The following KIF1A variants were observed in gnomAD, a reference collection of about 807,000 sequenced individuals.
The protein encoded by KIF1A is kinesin family member 1A.
In KIF1A, 46 loss-of-function variants were observed where a neutral mutation model predicts 227.3. The ratio of observed to expected loss-of-function variants is 0.20; its 90% CI spans 0.16 to 0.26. KIF1A has a LOEUF of 0.26. Among genes scored for constraint, KIF1A ranks in the 10% least tolerant of loss-of-function variants. The pLI is 1.00. For synonymous variants in KIF1A, 1,022 were observed against 1,012.8 expected (o/e 1.01, Z -0.17); for missense variants, 1,683 against 2,485.9 (o/e 0.68, Z 6.87).
rs2055277080 is a variant in KIF1A at position 240,788,861 on chromosome 2, CG to C, written c.183+374del. Among the ~76,000 whole-genome samples, 1 of 152,026 alleles carries C rather than the reference CG, an allele frequency of 6.6e-6. No homozygotes were observed. The highest frequency in any genetic ancestry group is 2.4e-5 in the African/African-American group (1 of 41,380). ...AGACAGGGCTCAGTGTGGACTGGATCGGGGAGGAGGGAAGGAGAAGAGTCCA... is the reference window on the plus strand; with the variant it reads ...AGACAGGGCTCAGTGTGGACTGGATCGGGAGGAGGGAAGGAGAAGAGTCCA... On this transcript the variant is annotated intron_variant, in intron 3 of 48. Transcript: ENST00000498729. This position sits in a 1 kb window ranked among gnomAD's most constrained non-coding sequence, Gnocchi z 6.6.
In KIF1A at chr2:240,747,278, C is replaced by T. The variant is rs769618125; in HGVS notation, c.3021G>A (p.Ser1007=). 43 of 1,613,320 alleles carry T rather than the reference C, an allele frequency of 2.7e-5. No individual in the cohort carries two copies. In the South Asian group the frequency reaches 2.9e-4, roughly 11 times the overall value. ...APDYGSGVRQ[S]GTAKISFDDQ... ...CATCAAAGGAGATTTTAGCAGTTCC[C>T]GACTGGCGGACGCCAGAGCCATAAT... The change falls in exon 29 of 49, where the codon TCG becomes TCA. Residue 1007 remains serine (S), a synonymous_variant. Coordinates refer to ENST00000498729, the MANE Select transcript of KIF1A (RefSeq NM_001244008.2).
chr2:240,765,275 A>AC (rs2051029945), intron 20 of KIF1A, among the ~76,000 whole-genome samples: 2 of 151,928 alleles, frequency 1.3e-5, no homozygotes, highest in Non-Finnish European at 2.9e-5. Context: ...GCCCAACCCC[A>AC]CCCGGGGTGC....
At chr2:240,781,286 T>C (rs865877645) in intron 10 of KIF1A, among the ~76,000 whole-genome samples, 1 of 1,524 alleles carries the variant, frequency 6.6e-4, no homozygotes, top group Non-Finnish European at 9.2e-4. Context: ...CACACACAGC[T>C]ACACACACAC....
chr2:240,757,640 C>G lies in KIF1A; in HGVS notation c.2583-46G>C. ...CAGAGAGAAGTTAACACCAGCGACT[C>G]GCAGGGACGAACAGGGGCCGGGGCC... On this transcript the variant is annotated intron_variant, in intron 26 of 48. Transcript: ENST00000498729. This position sits in a 1 kb window ranked among gnomAD's most constrained non-coding sequence, Gnocchi z 6.2. The G allele has an allele frequency of 6.5e-7, 1 of 1,538,820 alleles. No homozygotes were observed. Among genetic ancestry groups the G allele is most frequent in the South Asian group, 1.2e-5 (1 of 82,162 alleles).
intron 5 of KIF1A, 43 bp from the exon 6 acceptor site, chr2:240,786,556 G>A (rs1199477314): frequency 3.1e-6 from 5 of 1,594,994 alleles, no homozygotes; most frequent in Non-Finnish European, 8.6e-7. Flanking sequence ...TGAGGCGAGG[G>A]AGTGGGGCTG....
chr2:240,804,313 G>T lies in KIF1A; in HGVS notation c.-60-6501C>A, dbSNP rs201213013. 6.0e-3 allele frequency among the ~76,000 whole-genome samples: 919 copies of T among 152,290 alleles called. 15 individuals carry two copies. Among genetic ancestry groups the T allele is most frequent in the African/African-American group, 0.021 (861 of 41,566 alleles). ...TAATATTTCCCAACAGAGAGCAAAAGGGCTGAATGGAAGCTTCTACTTCTG... is the reference window on the plus strand; with the variant it reads ...TAATATTTCCCAACAGAGAGCAAAATGGCTGAATGGAAGCTTCTACTTCTG... On this transcript the variant is annotated intron_variant, in intron 1 of 48. Coordinates refer to ENST00000498729, the MANE Select transcript of KIF1A (RefSeq NM_001244008.2).
chr2:240,817,707 T>C (rs1438383549), intron 1 of KIF1A, among the ~76,000 whole-genome samples: 2 of 152,206 alleles, frequency 1.3e-5, no homozygotes, highest in African/African-American at 4.8e-5. Context: ...CCAGTTCACC[T>C]GCTTTGGCCG....
In KIF1A at chr2:240,789,170, AC is replaced by A; in HGVS notation, c.183+65del. ...ATGAGCGGCTCAGAGAAGTTGAGGG[AC>A]CCCGAGGGCCACATGGCCTATGCAC... On this transcript the variant is annotated intron_variant, in intron 3 of 48. Coordinates refer to ENST00000498729, the MANE Select transcript of KIF1A (RefSeq NM_001244008.2). The surrounding 1 kb of genome is among the most constrained non-coding windows in gnomAD (Gnocchi z 4.8). The A allele has an allele frequency of 1.5e-6, 2 of 1,304,804 alleles. No homozygotes were observed. The highest frequency in any genetic ancestry group is 2.2e-6 in the Non-Finnish European group (2 of 902,056). 80.8% of individuals were successfully genotyped at this position (1,304,804 alleles called of 1,614,324 possible).
intron 37 of KIF1A, among the ~76,000 whole-genome samples, chr2:240,738,736 A>C (rs1473857555): frequency 6.6e-6 from 1 of 152,232 alleles, no homozygotes; most frequent in African/African-American, 2.4e-5. Flanking sequence ...CCTTTTTAGA[A>C]AGAAGGTGGG....
At chr2:240,807,082 G>A (rs62187837) in intron 1 of KIF1A, among the ~76,000 whole-genome samples, 61,865 of 108,336 alleles carry the variant, frequency 0.57, 14,860 homozygotes, top group African/African-American at 0.71. Flanking sequence ...ATATATATGT[G>A]TGTGTGTGTG....
intron 6 of KIF1A, 57 bp from the exon 7 acceptor site, chr2:240,785,157 C>T (rs934059425): frequency 7.1e-6 from 10 of 1,410,894 alleles, no homozygotes; most frequent in South Asian, 1.2e-5. Context: ...GGTGCGAGAT[C>T]GCCGGTGGTG....
intron 1 of KIF1A, among the ~76,000 whole-genome samples, chr2:240,809,718 G>A (rs1426048573): frequency 2.0e-5 from 3 of 148,684 alleles, no homozygotes; most frequent in Non-Finnish European, 4.4e-5. Context: ...GCCCAGGCTG[G>A]AGTGCGGTGG....
intron 19 of KIF1A, 52 bp from the exon 20 acceptor site, chr2:240,765,845 T>A (rs1337755481): frequency 1.4e-6 from 2 of 1,392,582 alleles, no homozygotes; most frequent in African/African-American, 1.4e-5. Context: ...GGCTGTCACC[T>A]ACAGCAGCTC....
chr2:240,769,806 C>T (rs1219458101), intron 15 of KIF1A, 100 bp from the exon 16 acceptor site: 12 of 926,292 alleles, frequency 1.3e-5, no homozygotes, highest in East Asian at 5.2e-5. Context: ...AAAGCACAAG[C>T]GCCATATTCC....
Position 240,783,027 on chromosome 2 carries a change from C to T in KIF1A, c.864+17G>A, listed in dbSNP as rs754302455. The T allele has an allele frequency of 3.2e-5, 51 of 1,606,680 alleles. 1 individual carries two copies. The African/African-American group carries it at 4.7e-4, about 15-fold the overall frequency. ...CCTCTGGGGTTCTGGCTATGGAAGC[C>T]GGGCCGGGCCACTCACCATTTCAGC... On this transcript the variant is annotated intron_variant, in intron 9 of 48. Transcript: ENST00000498729.
In KIF1A at chr2:240,725,714, A is replaced by G. The variant is rs1026322604; in HGVS notation, c.4123-310T>C. On this transcript the variant is annotated intron_variant, in intron 39 of 48. Transcript: ENST00000498729. This position sits in a 1 kb window ranked among gnomAD's most constrained non-coding sequence, Gnocchi z 5.8. Reference sequence around the variant, plus strand: ...CGGGCCTCAGCTGCCTCACCATAAAATTGGGGTGACCCCTCCCCGACCCTG... The same window carrying G: ...CGGGCCTCAGCTGCCTCACCATAAAGTTGGGGTGACCCCTCCCCGACCCTG... The G allele has an allele frequency of 3.2e-5, 10 of 313,338 alleles. No individual in the cohort carries two copies. The highest frequency in any genetic ancestry group is 2.2e-4 in the African/African-American group (10 of 46,378). 19.4% of individuals were successfully genotyped at this position (313,338 alleles called of 1,614,324 possible). A position where few individuals can be genotyped will look rare whatever the true frequency, so the allele number is the denominator to read the frequency against.
At chr2:240,751,842 G>A (rs998971591) in intron 27 of KIF1A, among the ~76,000 whole-genome samples, 2 of 151,952 alleles carry the variant, frequency 1.3e-5, no homozygotes, top group African/African-American at 4.8e-5. Flanking sequence ...TTCCAATGCA[G>A]AAGCCCTACC....
chr2:240,769,924 CT>C (rs1291956536), intron 15 of KIF1A, among the ~76,000 whole-genome samples: 1 of 152,210 alleles, frequency 6.6e-6, no homozygotes, highest in Admixed American at 6.5e-5. Flanking sequence ...CAAAACAAAT[CT>C]GGAAGGAAAA....
chr2:240,723,268 GCTC>G, intron 42 of KIF1A, 142 bp downstream of exon 42: 1 of 713,492 alleles, frequency 1.4e-6, no homozygotes, highest in East Asian at 2.8e-5. Flanking sequence ...AGCATCACAT[GCTC>G]CTCCTGCAGG....
Sources: gnomAD v4.1 joint callset for allele counts (sites outside exome capture counted in the v4.1 genomes callset) on GRCh38, gnomAD v4.1.1 for gene constraint, Gnocchi (gnomAD v3.1) non-coding constraint, MANE v1.5 for transcripts, NCBI Gene and HGNC (gene_info 2026-07-23, HGNC 2026-07-21) for gene names.